Variants in DDX11 observed in about 807,000 individuals in gnomAD.
DDX11 encodes DEAD/H-box helicase 11, also known as ATP-dependent DNA helicase DDX11.
A neutral mutation model predicts 125.2 loss-of-function variants in DDX11; 72 were observed. The ratio of observed to expected loss-of-function variants is 0.58; its 90% CI spans 0.48 to 0.70. The LOEUF is 0.70. Ranked by LOEUF, DDX11 falls within the 30% of genes least tolerant of loss-of-function variation. The probability of loss-of-function intolerance (pLI) is 0.00; values close to 1 mark genes in which losing one functional copy is unlikely to be tolerated. For missense variants in DDX11, 883 were observed against 1,165.0 expected, an observed-to-expected ratio of 0.76 and a Z score of 3.52; for synonymous variants, 347 against 452.6, an observed-to-expected ratio of 0.77 and a Z score of 2.96.
chr12:31,097,074 C>T (rs563171086), intron 17 of DDX11, 84 bp downstream of exon 17: 28 of 1,565,124 alleles, frequency 1.8e-5, no homozygotes, highest in African/African-American at 4.0e-5. Context: ...AGGATTCTTT[C>T]CTTCCATCCT....
Position 31,103,577 on chromosome 12 carries a change from G to A in DDX11, c.2537G>A (p.Gly846Asp). 2 of 1,613,916 alleles carry A rather than the reference G, an allele frequency of 1.2e-6. No homozygotes were observed. Among genetic ancestry groups the A allele is most frequent in the Non-Finnish European group, 1.7e-6 (2 of 1,179,936 alleles). ...LCMKAVNQSI[G>D]RAIRHQKDFA... The stretch of plus-strand genomic sequence containing the variant: ...AGCCCCAGCCTCTGTTCCTATGCAG[G>A]CAGGGCCATCAGGCACCAGAAGGAT... The change falls in exon 26 of 27, where the codon GGC (glycine) becomes GAC (aspartate). Residue 846 changes from glycine to aspartate, a missense_variant and splice_region_variant. Gly to Asp is a moderately conservative substitution (Grantham distance 94). Coordinates refer to ENST00000542838, the MANE Select transcript of DDX11 (RefSeq NM_030653.4).
At position 31,099,080 on chromosome 12, in the gene DDX11, C is replaced by CTTTTTTTTTTTTTTT. The variant is rs1467965765; in HGVS notation, c.1875+1086_1875+1087insTTTTTTTTTTTTTTT. On this transcript the variant is annotated intron_variant, in intron 18 of 26. Coordinates refer to ENST00000542838, the MANE Select transcript of DDX11 (RefSeq NM_030653.4). ...AATCCATACTGGTATTTCTTTCTTT[C>CTTTTTTTTTTTTTTT]TTTCTTTTTTTTTTTTTTTTTTTTT... Among the ~76,000 whole-genome samples, 480 of 81,076 alleles carry CTTTTTTTTTTTTTTT rather than the reference C, an allele frequency of 5.9e-3. 53 individuals carry two copies. The highest frequency in any genetic ancestry group is 7.7e-3 in the East Asian group (18 of 2,352). 53.2% of individuals were successfully genotyped at this position (81,076 alleles called of 152,430 possible).
At chr12:31,089,719 A>T in intron 8 of DDX11, 167 bp from the exon 9 acceptor site, 1 of 1,355,376 alleles carries the variant, frequency 7.4e-7, no homozygotes, top group Non-Finnish European at 1.0e-6. Flanking sequence ...GGAGAACAGA[A>T]GTAAAACCTT....
intron 3 of DDX11, 113 bp downstream of exon 3, chr12:31,084,174 C>G (rs1744896196): frequency 7.0e-7 from 1 of 1,422,896 alleles, no homozygotes; most frequent in African/African-American, 1.4e-5. Context: ...GTTGCCGTGC[C>G]TCTCAGCTCT....
Position 31,092,826 on chromosome 12 carries a change from G to A in DDX11, c.1243-20G>A, listed in dbSNP as rs536313081. ...GCCCTCAGCTGCTTGCTCAGAGCCT[G>A]GTTTGTGTTCTTTCCCCAGCTCTGC... On this transcript the variant is annotated intron_variant, in intron 10 of 26. Transcript: ENST00000542838. 1 of 1,613,398 alleles carries A rather than the reference G, an allele frequency of 6.2e-7. No homozygotes were observed. Among genetic ancestry groups the A allele is most frequent in the South Asian group, 1.1e-5 (1 of 91,060 alleles).
At chr12:31,100,998 G>T in intron 19 of DDX11, 29 bp from the exon 20 acceptor site, 1 of 1,591,210 alleles carries the variant, frequency 6.3e-7, no homozygotes, top group Non-Finnish European at 8.6e-7. Context: ...TGCATCTCCA[G>T]TTTTCGGCCC....
chr12:31,076,122 T>C (rs1477680869), intron 1 of DDX11, among the ~76,000 whole-genome samples: 1 of 152,198 alleles, frequency 6.6e-6, no homozygotes, highest in East Asian at 1.9e-4. Context: ...GAGGAGCTGC[T>C]GGTCAGCTTT....
intron 17 of DDX11, 58 bp from the exon 18 acceptor site, chr12:31,097,827 G>A: frequency 9.9e-7 from 1 of 1,010,046 alleles, no homozygotes; most frequent in Non-Finnish European, 1.5e-6. Flanking sequence ...CCCCTTTGCT[G>A]GGACGACAGA....
In DDX11 at chr12:31,103,643, C is replaced by T. The variant is rs1337704425; in HGVS notation, c.2603C>T (p.Pro868Leu). 1.9e-6 allele frequency: 3 copies of T among 1,614,070 alleles called. No individual in the cohort carries two copies. Among genetic ancestry groups the T allele is most frequent in the Non-Finnish European group, 2.5e-6 (3 of 1,180,016 alleles). ...CTCCTGGACCAGCGATATGCCCGGC[C>T]CCCTGTCCTGGCCAAGCTGCCGGCC... ...VVLLDQRYAR[P>L]PVLAKLPAWI... Residue 868 changes from proline to leucine, a missense_variant, in exon 26 of 27, where the codon CCC becomes CTC. Coordinates refer to ENST00000542838, the MANE Select transcript of DDX11 (RefSeq NM_030653.4).
At chr12:31,087,351 G>A (rs1286639561) in intron 5 of DDX11, among the ~76,000 whole-genome samples, 1 of 151,972 alleles carries the variant, frequency 6.6e-6, no homozygotes, top group Non-Finnish European at 1.5e-5. Context: ...GGCCGACCTG[G>A]GTCCTCCCTT....
In DDX11 at chr12:31,102,985, C is replaced by T; in HGVS notation, c.2422C>T (p.Leu808=). 6.2e-7 allele frequency: 1 copy of T among 1,613,960 alleles called. No individual in the cohort carries two copies. The highest frequency in any genetic ancestry group is 2.2e-5 in the East Asian group (1 of 44,874). ...CTTCCCCAACATCAGGTCTGCAGAG[C>T]TGCAGGAGAAGATGGCCTACTTGGA... The part of the protein sequence containing the change: ...MPFPNIRSAE[L]QEKMAYLDQT... Residue 808 remains leucine, a synonymous_variant, in exon 24 of 27, where the codon CTG becomes TTG. Transcript: ENST00000542838.
At chr12:31,087,735 C>T (rs1943407859) in intron 5 of DDX11, 1 of 855,874 alleles carries the variant, frequency 1.2e-6, no homozygotes, top group Admixed American at 2.0e-5. Context: ...TTTTACATTT[C>T]CCTACCCACA....
Position 31,096,679 on chromosome 12 carries a change from CG to C in DDX11, c.1567del (p.Glu523SerfsTer41), listed in dbSNP as rs772176887. The C allele has an allele frequency of 1.2e-6, 2 of 1,614,036 alleles. No individual in the cohort carries two copies. Among genetic ancestry groups the C allele is most frequent in the East Asian group, 4.5e-5 (2 of 44,874 alleles). ...TERYGAVFSS[R>X]EQPKLAGFQQ... ...ACGGTACGGAGCAGTGTTCTCATCC[CG>C]GGAGCAGCCCAAACTGGCTGGGTTT... On this transcript the variant is annotated frameshift_variant, in exon 16 of 27. Coordinates refer to ENST00000542838, the MANE Select transcript of DDX11 (RefSeq NM_030653.4). LOFTEE classifies it high-confidence loss of function.
intron 6 of DDX11, among the ~76,000 whole-genome samples, chr12:31,088,623 TAG>T (rs1403105781): frequency 2.0e-5 from 3 of 152,054 alleles, no homozygotes; most frequent in Admixed American, 1.3e-4. Context: ...CTTAGAGGAG[TAG>T]AGAGAGGGTA....
chr12:31,079,189 AAT>A (rs1465189941), intron 2 of DDX11, among the ~76,000 whole-genome samples: 1 of 152,116 alleles, frequency 6.6e-6, no homozygotes, highest in Non-Finnish European at 1.5e-5. Flanking sequence ...TGTCTTGAAC[AAT>A]ATGTCTTAAT....
intron 18 of DDX11, among the ~76,000 whole-genome samples, chr12:31,099,410 ATTTGTTTACTTGACCT>A (rs1303194751): frequency 9.3e-6 from 1 of 107,360 alleles, no homozygotes; most frequent in Non-Finnish European, 1.8e-5. Flanking sequence ...AAATCAAAGG[ATTTGTTTACTTGACCT>A]TTTATTGTAC....
chr12:31,096,835 T>G (rs1945331491), intron 16 of DDX11, 24 bp from the exon 17 acceptor site: 11 of 1,614,128 alleles, frequency 6.8e-6, no homozygotes, highest in Non-Finnish European at 9.3e-6. Flanking sequence ...GAGGGAGGCC[T>G]CCTCCCCGTT....
At chr12:31,075,303 C>G (rs887204428) in intron 1 of DDX11, among the ~76,000 whole-genome samples, 4 of 139,504 alleles carry the variant, frequency 2.9e-5, no homozygotes, top group Middle Eastern at 3.6e-3. Context: ...ATAATACTTA[C>G]GTTTCTTCTG....
At chr12:31,093,204 A>G in intron 11 of DDX11, 41 bp from the exon 12 acceptor site, 3 of 1,588,070 alleles carry the variant, frequency 1.9e-6, no homozygotes, top group African/African-American at 1.3e-5. Context: ...GCGAGTCGCC[A>G]TCAGGGCACC....
Sources: gnomAD v4.1 joint callset for allele counts (sites outside exome capture counted in the v4.1 genomes callset) on GRCh38, gnomAD v4.1.1 for gene constraint, MANE v1.5 for transcripts, NCBI Gene and HGNC (gene_info 2026-07-23, HGNC 2026-07-21) for gene names.